Variants in PLEKHH1 observed in about 807,000 individuals in gnomAD.
PLEKHH1 encodes pleckstrin homology, MyTH4 and FERM domain containing H1, also known as pleckstrin homology domain-containing family H member 1.
PLEKHH1 carries 104 observed loss-of-function variants against 160.0 expected under a neutral mutation model. That is an observed-to-expected ratio of 0.65 (90% CI 0.55 to 0.76). The LOEUF is 0.76. Ranked by LOEUF, PLEKHH1 falls within the 30% of genes least tolerant of loss-of-function variation. The probability of loss-of-function intolerance (pLI) is 0.00; values close to 1 mark genes in which losing one functional copy is unlikely to be tolerated. For synonymous variants in PLEKHH1, 619 were observed against 678.4 expected (o/e 0.91, Z 1.36); for missense variants, 1,427 against 1,724.1 (o/e 0.83, Z 3.05).
At chr14:67,571,615 C>T in intron 9 of PLEKHH1, 137 bp from the exon 10 acceptor site, 2 of 773,874 alleles carry the variant, frequency 2.6e-6, no homozygotes. Context: ...GGACCTTACA[C>T]TGGACAGTTG....
intron 4 of PLEKHH1, among the ~76,000 whole-genome samples, chr14:67,559,321 C>T (rs2140405510): frequency 6.6e-6 from 1 of 152,344 alleles, no homozygotes; most frequent in South Asian, 2.1e-4. Flanking sequence ...CTACTCCTCA[C>T]TATTAACTTT....
Position 67,587,248 on chromosome 14 carries a change from C to A in PLEKHH1, c.*13C>A. On this transcript the variant is annotated 3_prime_UTR_variant, in exon 29 of 29. Transcript: ENST00000329153. ...AACGTTGCTGTGAATATTTCTCCTACCCGATTCCCCAACACCACTAGTGCC... is the reference window on the plus strand; with the variant it reads ...AACGTTGCTGTGAATATTTCTCCTAACCGATTCCCCAACACCACTAGTGCC... The A allele has an allele frequency of 6.2e-7, 1 of 1,613,398 alleles. No individual in the cohort carries two copies. The highest frequency in any genetic ancestry group is 2.2e-5 in the East Asian group (1 of 44,874).
chr14:67,543,798 A>G (rs991434285), intron 2 of PLEKHH1, among the ~76,000 whole-genome samples: 3 of 152,036 alleles, frequency 2.0e-5, no homozygotes, highest in Non-Finnish European at 1.5e-5. Flanking sequence ...AAAACCCACT[A>G]TGAATCACCT....
chr14:67,541,060 A>T (rs192147460), intron 1 of PLEKHH1, among the ~76,000 whole-genome samples: 23 of 152,300 alleles, frequency 1.5e-4, no homozygotes, highest in African/African-American at 5.5e-4. Flanking sequence ...TCTGGTTTGC[A>T]TCTTAGAACC....
intron 2 of PLEKHH1, among the ~76,000 whole-genome samples, chr14:67,548,523 C>A (rs1290372220): frequency 6.6e-6 from 1 of 152,086 alleles, no homozygotes; most frequent in Non-Finnish European, 1.5e-5. Context: ...CATGGAGAAA[C>A]CCCGTCTCTA....
At chr14:67,577,216 C>T (rs2035659264) in intron 17 of PLEKHH1, 86 bp from the exon 18 acceptor site, 1 of 844,568 alleles carries the variant, frequency 1.2e-6, no homozygotes, top group African/African-American at 1.7e-5. Flanking sequence ...ACTATCTTCC[C>T]CATAAATTAA....
chr14:67,552,563 C>G (rs2034434970), intron 2 of PLEKHH1, among the ~76,000 whole-genome samples: 3 of 152,034 alleles, frequency 2.0e-5, no homozygotes, highest in Admixed American at 2.0e-4. Flanking sequence ...GTCAGGAGAT[C>G]GAGACCATCT....
chr14:67,571,901 A>G lies in PLEKHH1; in HGVS notation c.1584A>G (p.Arg528=). The change falls in exon 10 of 29, where the codon AGA becomes AGG. Residue 528 remains arginine, a splice_region_variant and synonymous_variant. Coordinates refer to ENST00000329153, the MANE Select transcript of PLEKHH1 (RefSeq NM_020715.3). ...SGLGSPRAIK[R]GVSMSSLSSE... ...TAGGCAGCCCCCGGGCCATCAAGAG[A>G]GGTACAGAGAAGGGGAGCAGGGGCA... The G allele has an allele frequency of 6.2e-7, 1 of 1,606,910 alleles. No individual in the cohort carries two copies. The highest frequency in any genetic ancestry group is 8.5e-7 in the Non-Finnish European group (1 of 1,176,594).
At chr14:67,561,870 A>G (rs775531091) in intron 5 of PLEKHH1, 84 bp from the exon 6 acceptor site, 50 of 158,158 alleles carry the variant, frequency 3.2e-4, no homozygotes, top group Non-Finnish European at 6.0e-4. Flanking sequence ...ACCCTGTCTC[A>G]AAAAAAAAAA....
intron 2 of PLEKHH1, among the ~76,000 whole-genome samples, chr14:67,544,853 T>C (rs2034115010): frequency 6.6e-6 from 1 of 152,188 alleles, no homozygotes. Context: ...AATACAGCAG[T>C]TGAGACCTGG....
intron 27 of PLEKHH1, 41 bp downstream of exon 27, chr14:67,585,695 CTCAACATGG>C: frequency 7.3e-7 from 1 of 1,370,482 alleles, no homozygotes; most frequent in Non-Finnish European, 1.0e-6. Context: ...CCTCCTCTTC[CTCAACATGG>C]TCTTTTCTTC....
intron 7 of PLEKHH1, among the ~76,000 whole-genome samples, chr14:67,564,539 CCT>C (rs2034994782): frequency 6.6e-6 from 1 of 152,070 alleles, no homozygotes; most frequent in Non-Finnish European, 1.5e-5. Context: ...CTCACTGCAA[CCT>C]CTGCCTCCTG....
At chr14:67,536,771 G>A (rs2033733798) in intron 1 of PLEKHH1, among the ~76,000 whole-genome samples, 2 of 151,878 alleles carry the variant, frequency 1.3e-5, no homozygotes. Context: ...GGTCGGGAGT[G>A]GTGGCTCACG....
chr14:67,558,565 A>G (rs2034690455), intron 4 of PLEKHH1, among the ~76,000 whole-genome samples: 1 of 152,004 alleles, frequency 6.6e-6, no homozygotes, highest in Non-Finnish European at 1.5e-5. Context: ...GGACAAAATG[A>G]CTCCTGCTAA....
intron 22 of PLEKHH1, chr14:67,580,142 C>A: frequency 2.6e-6 from 1 of 387,162 alleles, no homozygotes. Flanking sequence ...AGAAAAGCCT[C>A]TTCTTGGCTT....
chr14:67,572,082 C>G (rs775033420), intron 10 of PLEKHH1, 53 bp from the exon 11 acceptor site: 98 of 1,563,978 alleles, frequency 6.3e-5, no homozygotes, highest in Non-Finnish European at 8.1e-5. Context: ...TCCTGGGCTG[C>G]GTGAGTCGGG....
At chr14:67,561,910 C>T (rs1158996348) in intron 5 of PLEKHH1, 44 bp from the exon 6 acceptor site, 2 of 1,371,794 alleles carry the variant, frequency 1.5e-6, no homozygotes, top group African/African-American at 2.9e-5. Flanking sequence ...ACATCTAAAC[C>T]TGTAGGCTGG....
chr14:67,544,402 C>T (rs1416203096), intron 2 of PLEKHH1, among the ~76,000 whole-genome samples: 2 of 151,990 alleles, frequency 1.3e-5, no homozygotes. Context: ...TCTGGAGACA[C>T]AAGACCTCAA....
chr14:67,560,383 A>G (rs1185038280), intron 5 of PLEKHH1, among the ~76,000 whole-genome samples: 1 of 152,200 alleles, frequency 6.6e-6, no homozygotes, highest in Non-Finnish European at 1.5e-5. Context: ...GTGGTAAAAT[A>G]TACATAAAAT....
Sources: allele counts gnomAD v4.1 joint callset (sites outside exome capture counted in the v4.1 genomes callset), GRCh38; gene constraint gnomAD v4.1.1; transcripts MANE v1.5; gene names NCBI Gene and HGNC (gene_info 2026-07-23, HGNC 2026-07-21).